The following TRIM5 variants were observed in gnomAD, a reference collection of about 807,000 sequenced individuals.
TRIM5 encodes the protein tripartite motif-containing protein 5.
Under a neutral mutation model 35.6 loss-of-function variants are expected in TRIM5, and 31 were observed. That is an observed-to-expected ratio of 0.87 (90% confidence interval 0.65 to 1.18). The LOEUF (loss-of-function observed/expected upper bound fraction) is 1.18. Ranked by LOEUF, TRIM5 falls within the 50% of genes most tolerant of loss-of-function variation. The pLI is 0.00. For missense variants in TRIM5, 609 were observed against 591.6 expected, an observed-to-expected ratio of 1.03 and a Z score of -0.31; for synonymous variants, 243 against 215.6, an observed-to-expected ratio of 1.13 and a Z score of -1.11.
At chr11:5,608,517 C>A in the TRIM5 span, 1 of 1,427,230 alleles carries the variant, frequency 7.0e-7, no homozygotes, top group Non-Finnish European at 9.4e-7. Flanking sequence ...TCTTGAATCG[C>A]GCATCACATG....
chr11:5,614,928 T>TA, the TRIM5 span, among the ~76,000 whole-genome samples: 2 of 152,312 alleles, frequency 1.3e-5, no homozygotes, highest in South Asian at 4.1e-4. Context: ...ATATAGCACT[T>TA]AGAGCTATAC....
At chr11:5,603,341 G>A in the TRIM5 span, 9 of 1,613,820 alleles carry the variant, frequency 5.6e-6, no homozygotes, top group African/African-American at 2.7e-5. Flanking sequence ...GTGGACATAC[G>A]AGAAGAGGTG....
intron 4 of TRIM5, among the ~76,000 whole-genome samples, chr11:5,668,960 A>G (rs1590234054): frequency 6.6e-6 from 1 of 152,144 alleles, no homozygotes; most frequent in Middle Eastern, 3.4e-3. Context: ...AACACCAACC[A>G]TACTGTCTTC....
At chr11:5,682,976 G>A (rs1427875733) in intron 1 of TRIM5, among the ~76,000 whole-genome samples, 2 of 152,214 alleles carry the variant, frequency 1.3e-5, no homozygotes, top group Non-Finnish European at 2.9e-5. Flanking sequence ...CCGGGGCTGC[G>A]CGCCGCGCTT....
chr11:5,602,751 C>G, the TRIM5 span, among the ~76,000 whole-genome samples: 1 of 151,654 alleles, frequency 6.6e-6, no homozygotes, highest in South Asian at 2.1e-4. Context: ...GTCAGGAGTT[C>G]AAGACCACCC....
the TRIM5 span, among the ~76,000 whole-genome samples, chr11:5,615,721 G>A: frequency 6.6e-6 from 1 of 151,690 alleles, no homozygotes; most frequent in South Asian, 2.1e-4. Flanking sequence ...AGCCTCCCGA[G>A]TAGCTGGGAT....
the TRIM5 span, among the ~76,000 whole-genome samples, chr11:5,654,799 A>T: frequency 6.6e-6 from 1 of 152,190 alleles, no homozygotes; most frequent in Non-Finnish European, 1.5e-5. Flanking sequence ...TGTAGGTTAA[A>T]ATTTGTCAAA....
rs1292798130 is a variant in TRIM5, at chr11:5,665,336, G to T, written c.955C>A (p.Gln319Lys). The T allele has an allele frequency of 6.2e-7, 1 of 1,613,788 alleles. No individual in the cohort carries two copies. Residue 319 changes from glutamine to lysine, a missense_variant, in exon 8 of 8, where the codon CAA becomes AAA. Physicochemically the swap from Gln to Lys is moderately conservative, Grantham distance 53 (BLOSUM62 1). Coordinates refer to ENST00000380034, the MANE Select transcript of TRIM5 (RefSeq NM_033034.3). ...ATCTGTGGTTTCGGAGAGCTCACTT[G>T]TCTCTTATCTTCAGAAATGACAGCA... ...SCAVISEDKR[Q>K]VSSPKPQIIY... is the part of the protein sequence containing the mutation.
the TRIM5 span, among the ~76,000 whole-genome samples, chr11:5,636,785 T>C: frequency 2.6e-5 from 4 of 152,204 alleles, no homozygotes; most frequent in Non-Finnish European, 5.9e-5. Flanking sequence ...GAATGGCAAA[T>C]GGAAAACTTA....
At chr11:5,632,782 G>C in the TRIM5 span, 1 of 1,541,992 alleles carries the variant, frequency 6.5e-7, no homozygotes. Context: ...GGGAGATGGG[G>C]CAGAAGATGG....
At chr11:5,617,480 C>T in the TRIM5 span, among the ~76,000 whole-genome samples, 4 of 131,470 alleles carry the variant, frequency 3.0e-5, no homozygotes, top group African/African-American at 5.3e-5. Context: ...TATATATGGA[C>T]TCAATCTTTT....
intron 4 of TRIM5, among the ~76,000 whole-genome samples, chr11:5,669,263 A>G (rs1851392532): frequency 6.6e-6 from 1 of 151,696 alleles, no homozygotes; most frequent in Non-Finnish European, 1.5e-5. Flanking sequence ...TATTTTTAGT[A>G]GAGACAGGGT....
At chr11:5,634,682 A>G in the TRIM5 span, 1 of 1,614,166 alleles carries the variant, frequency 6.2e-7, no homozygotes, top group Admixed American at 1.7e-5. Context: ...TGATCAGCTT[A>G]GAAGCATCCT....
the TRIM5 span, chr11:5,632,146 ATCT>A: frequency 6.8e-7 from 1 of 1,459,890 alleles, no homozygotes; most frequent in African/African-American, 1.4e-5. Flanking sequence ...TCTCTTCCTC[ATCT>A]TCTTTGTTCT....
chr11:5,673,183 G>C (rs2134072555), intron 4 of TRIM5, among the ~76,000 whole-genome samples: 1 of 152,200 alleles, frequency 6.6e-6, no homozygotes, highest in Admixed American at 6.5e-5. Context: ...ACCTATAGGA[G>C]AGCATATATT....
At chr11:5,616,681 G>A in the TRIM5 span, among the ~76,000 whole-genome samples, 1 of 144,158 alleles carries the variant, frequency 6.9e-6, no homozygotes, top group Non-Finnish European at 1.5e-5. Flanking sequence ...ACATTTGATT[G>A]GTGAAGGGCT....
At chr11:5,596,689 C>G in the TRIM5 span, 3,373 of 707,496 alleles carry the variant, frequency 4.8e-3, 94 homozygotes, top group African/African-American at 0.054. Context: ...TGGGTCCGTC[C>G]GTTCAACGGC....
At chr11:5,648,677 G>A in the TRIM5 span, among the ~76,000 whole-genome samples, 1 of 152,128 alleles carries the variant, frequency 6.6e-6, no homozygotes, top group African/African-American at 2.4e-5. Flanking sequence ...AGTCATGTGA[G>A]GCTGTCAAGT....
chr11:5,649,699 C>T, the TRIM5 span, among the ~76,000 whole-genome samples: 9 of 152,012 alleles, frequency 5.9e-5, no homozygotes, highest in South Asian at 2.1e-4. Context: ...GGCAGCAGAG[C>T]GTAATGTTGC....
Sources: allele counts gnomAD v4.1 joint callset (sites outside exome capture counted in the v4.1 genomes callset), GRCh38; gene constraint gnomAD v4.1.1; transcripts MANE v1.5; gene names NCBI Gene and HGNC (gene_info 2026-07-23, HGNC 2026-07-21).